ZFHX3: variants seen among roughly 807,000 people sequenced by gnomAD.
ZFHX3 encodes the protein zinc finger homeobox protein 3.
In ZFHX3, 42 loss-of-function variants were observed where a neutral mutation model predicts 279.1. The ratio of observed to expected loss-of-function variants is 0.15; its 90% CI spans 0.12 to 0.19. The LOEUF (loss-of-function observed/expected upper bound fraction) is 0.19, where lower values mean the gene tolerates loss of function less well. Among genes scored for constraint, ZFHX3 ranks in the 10% least tolerant of loss-of-function variants. The probability of loss-of-function intolerance (pLI) is 1.00; values close to 1 mark genes in which losing one functional copy is unlikely to be tolerated. For missense variants in ZFHX3, 4,981 were observed against 4,754.0 expected (o/e 1.05, Z -1.40); for synonymous variants, 2,293 against 1,957.8 (o/e 1.17, Z -4.52).
intron 2 of ZFHX3, among the ~76,000 whole-genome samples, chr16:73,619,465 G>A (rs2052336374): frequency 7.1e-6 from 1 of 140,526 alleles, no homozygotes; most frequent in Admixed American, 7.5e-5. Flanking sequence ...TTCAGCCTGG[G>A]TGACAGAGCG....
intron 4 of ZFHX3, among the ~76,000 whole-genome samples, chr16:73,269,503 T>C (rs1435932076): frequency 6.6e-6 from 1 of 152,230 alleles, no homozygotes; most frequent in Non-Finnish European, 1.5e-5. Context: ...CAGCAGTTTG[T>C]TGTTTTATTG....
chr16:73,667,499 GT>G (rs1330224921), intron 2 of ZFHX3, among the ~76,000 whole-genome samples: 2 of 152,168 alleles, frequency 1.3e-5, no homozygotes, highest in African/African-American at 4.8e-5. Flanking sequence ...CTACTAAACT[GT>G]TTTTCCAAAG....
intron 4 of ZFHX3, among the ~76,000 whole-genome samples, chr16:73,280,075 G>T (rs1415926408): frequency 6.6e-6 from 1 of 152,088 alleles, no homozygotes; most frequent in East Asian, 1.9e-4. Context: ...ACATGCAAAA[G>T]AATGAAATTG....
chr16:73,083,650 C>T (rs911754768), intron 8 of ZFHX3, among the ~76,000 whole-genome samples: 10 of 152,158 alleles, frequency 6.6e-5, no homozygotes, highest in African/African-American at 2.4e-4. Context: ...TCACCTCAGC[C>T]TTCTGAGTAC....
At chr16:73,501,847 G>A (rs114452423) in intron 2 of ZFHX3, among the ~76,000 whole-genome samples, 175 of 152,260 alleles carry the variant, frequency 1.1e-3, no homozygotes, top group African/African-American at 4.0e-3. Context: ...ATGATAGGTC[G>A]TACCCAACGT....
intron 3 of ZFHX3, among the ~76,000 whole-genome samples, chr16:73,390,585 A>T (rs1408524967): frequency 6.6e-6 from 1 of 152,166 alleles, no homozygotes; most frequent in Non-Finnish European, 1.5e-5. Context: ...CAGACTCATT[A>T]CGGGAAAAGC....
At chr16:73,172,673 G>A (rs1967557521) in intron 5 of ZFHX3, among the ~76,000 whole-genome samples, 1 of 152,180 alleles carries the variant, frequency 6.6e-6, no homozygotes, top group African/African-American at 2.4e-5. Flanking sequence ...AGAGAAAGAG[G>A]TTTCTGTAAG....
chr16:73,100,173 C>T (rs1427031265), intron 7 of ZFHX3, among the ~76,000 whole-genome samples: 1 of 152,086 alleles, frequency 6.6e-6, no homozygotes, highest in Admixed American at 6.6e-5. Context: ...GGTTTTGTTC[C>T]ATTTCTTTTT....
intron 5 of ZFHX3, among the ~76,000 whole-genome samples, chr16:73,227,848 C>CA (rs398029895): frequency 0.46 from 21,334 of 46,004 alleles, 5,653 homozygotes; most frequent in East Asian, 0.57. Flanking sequence ...GATTCTGTCT[C>CA]AAAAAAAAAA....
Position 72,889,812 on chromosome 16 carries a change from G to A in ZFHX3, c.3367C>T (p.Arg1123Trp), listed in dbSNP as rs537344910. The change falls in exon 4 of 10, where the codon CGG (arginine) becomes TGG (tryptophan). Residue 1123 changes from arginine (R) to tryptophan (W), a missense_variant. Physicochemically the swap from Arg to Trp is moderately radical, Grantham distance 101 (BLOSUM62 -3). Transcript: ENST00000268489. ...TCCTCTGGAAGGCCCTTCTGCAGCCGCTGCAGCTTTCGCAGGCTCTCGCTT... is the reference window on the plus strand; with the variant it reads ...TCCTCTGGAAGGCCCTTCTGCAGCCACTGCAGCTTTCGCAGGCTCTCGCTT... Reference protein sequence around the residue: ...QRSESLRKLQRLQKGLPEEDE... With the variant: ...QRSESLRKLQWLQKGLPEEDE... 8.7e-6 allele frequency: 14 copies of A among 1,613,818 alleles called. No homozygotes were observed. The highest frequency in any genetic ancestry group is 6.7e-5 in the African/African-American group (5 of 75,050).
chr16:73,301,997 G>C (rs978402091), intron 4 of ZFHX3, among the ~76,000 whole-genome samples: 1 of 151,952 alleles, frequency 6.6e-6, no homozygotes, highest in Non-Finnish European at 1.5e-5. Flanking sequence ...GCCCCAACCT[G>C]TGCACCAGCC....
chr16:73,272,874 A>G (rs989046775), intron 4 of ZFHX3, among the ~76,000 whole-genome samples: 1 of 152,028 alleles, frequency 6.6e-6, no homozygotes, highest in Admixed American at 6.5e-5. Flanking sequence ...GGCCTCCTAC[A>G]TAGCTGGGAC....
At chr16:73,171,566 T>C (rs1162297637) in intron 5 of ZFHX3, among the ~76,000 whole-genome samples, 8 of 152,080 alleles carry the variant, frequency 5.3e-5, no homozygotes, top group Admixed American at 5.2e-4. Flanking sequence ...CAAAGGGGAA[T>C]CTGTGTTCCT....
At chr16:73,654,133 G>C (rs1412255776) in intron 2 of ZFHX3, among the ~76,000 whole-genome samples, 1 of 148,792 alleles carries the variant, frequency 6.7e-6, no homozygotes, top group African/African-American at 2.5e-5. Context: ...GCAGTGAGCC[G>C]AGATCGTGCC....
intron 2 of ZFHX3, among the ~76,000 whole-genome samples, chr16:73,571,647 T>A (rs866616100): frequency 8.6e-5 from 13 of 151,908 alleles, no homozygotes; most frequent in South Asian, 2.1e-4. Flanking sequence ...TAATTTTTTT[T>A]AAAAAACCTT....
chr16:73,671,589 G>A (rs749603334), intron 2 of ZFHX3, among the ~76,000 whole-genome samples: 50 of 152,234 alleles, frequency 3.3e-4, no homozygotes, highest in Non-Finnish European at 5.1e-4. Flanking sequence ...CAGGGTGCCT[G>A]CAGTGAAATG....
chr16:73,883,698 A>C (rs188462854), intron 1 of ZFHX3, among the ~76,000 whole-genome samples: 18 of 152,110 alleles, frequency 1.2e-4, no homozygotes, highest in Admixed American at 5.9e-4. Flanking sequence ...GGATTTCCTA[A>C]GTGAATATTT....
chr16:73,733,154 G>A (rs545869429), intron 1 of ZFHX3, among the ~76,000 whole-genome samples: 258 of 152,298 alleles, frequency 1.7e-3, no homozygotes, highest in African/African-American at 6.0e-3. Context: ...ATAAGAGCAT[G>A]GAACTTGTAC....
At chr16:73,559,236 C>T (rs900480936) in intron 2 of ZFHX3, among the ~76,000 whole-genome samples, 3 of 152,062 alleles carry the variant, frequency 2.0e-5, no homozygotes, top group African/African-American at 7.2e-5. Context: ...TTTGTAGAGG[C>T]AGGGCCTCAC....
Sources: gnomAD v4.1 joint callset for allele counts (sites outside exome capture counted in the v4.1 genomes callset) on GRCh38, gnomAD v4.1.1 for gene constraint, MANE v1.5 for transcripts, NCBI Gene and HGNC (gene_info 2026-07-23, HGNC 2026-07-21) for gene names.